Variants in BRF1 observed in about 807,000 individuals in gnomAD.
BRF1 encodes the protein BRF1 general transcription factor IIIB subunit.
In BRF1, 59 loss-of-function variants were observed where a neutral mutation model predicts 81.7. The observed-to-expected ratio is 0.72, with a 90% CI of 0.59 to 0.90. The LOEUF is 0.90. Among genes scored for constraint, BRF1 ranks in the 40% least tolerant of loss-of-function variants. The probability of loss-of-function intolerance (pLI) is 0.00; values close to 1 mark genes in which losing one functional copy is unlikely to be tolerated. For synonymous variants in BRF1, 491 were observed against 395.6 expected (o/e 1.24, Z -2.86); for missense variants, 1,050 against 936.3 (o/e 1.12, Z -1.58).
intron 4 of BRF1, among the ~76,000 whole-genome samples, chr14:105,253,301 G>C (rs750830862): frequency 6.6e-6 from 1 of 152,196 alleles, no homozygotes. Flanking sequence ...ATGTCTGCTG[G>C]CAGGTGTGGA....
At chr14:105,219,125 TGTGA>T in intron 13 of BRF1, 22 bp downstream of exon 13, 3 of 1,613,114 alleles carry the variant, frequency 1.9e-6, no homozygotes, top group Non-Finnish European at 2.5e-6. Context: ...GCGTCCTGCG[TGTGA>T]GTGTGGGCGG....
At chr14:105,218,840 T>A (rs1891766413) in intron 14 of BRF1, among the ~76,000 whole-genome samples, 158 bp downstream of exon 14, 1 of 152,126 alleles carries the variant, frequency 6.6e-6, no homozygotes, top group African/African-American at 2.4e-5. Context: ...ACCTAGTGGT[T>A]AAGGACGTGG....
intron 15 of BRF1, chr14:105,217,070 C>A (rs1566799639): frequency 1.0e-5 from 2 of 198,274 alleles, no homozygotes; most frequent in Middle Eastern, 2.0e-3. Context: ...TGCGCTGAGG[C>A]CAGCACATCC....
upstream of BRF1, among the ~76,000 whole-genome samples, chr14:105,303,646 T>G (rs1475532939): frequency 6.6e-6 from 1 of 152,254 alleles, no homozygotes; most frequent in East Asian, 1.9e-4. Flanking sequence ...AATTACCACT[T>G]TAGCTGAATC....
At chr14:105,228,726 G>A in intron 7 of BRF1, 94 bp downstream of exon 7, 5 of 1,406,974 alleles carry the variant, frequency 3.6e-6, no homozygotes, top group Non-Finnish European at 5.0e-6. Flanking sequence ...GGACGGCAGG[G>A]TCCCGGGAGG....
chr14:105,248,424 AGC>A, intron 5 of BRF1: 1 of 985,322 alleles, frequency 1.0e-6, no homozygotes, highest in South Asian at 4.7e-5. Context: ...ACCTCTGCAC[AGC>A]GCGCGGCTCG....
chr14:105,226,909 G>T, intron 7 of BRF1, 149 bp from the exon 8 acceptor site: 2 of 1,098,106 alleles, frequency 1.8e-6, no homozygotes, highest in Non-Finnish European at 2.6e-6. Flanking sequence ...AAGACTTTGA[G>T]ACCAGCCTAG....
chr14:105,221,277 A>G (rs1200980627), intron 11 of BRF1, among the ~76,000 whole-genome samples: 1 of 152,172 alleles, frequency 6.6e-6, no homozygotes, highest in Non-Finnish European at 1.5e-5. Context: ...TGCCACGCCC[A>G]AGCTCAGCAA....
intron 5 of BRF1, chr14:105,242,335 G>A (rs587763255): frequency 3.3e-4 from 50 of 152,228 alleles, no homozygotes; most frequent in African/African-American, 1.1e-3. Context: ...TGCTAAAATA[G>A]ATATTATTTG....
intron 16 of BRF1, chr14:105,211,866 C>T: frequency 1.7e-6 from 1 of 575,826 alleles, no homozygotes; most frequent in Non-Finnish European, 3.1e-6. Flanking sequence ...GGCTGCTCAG[C>T]CTTGGCCCGA....
chr14:105,278,931 C>T (rs1052172654), intron 2 of BRF1, among the ~76,000 whole-genome samples: 4 of 152,162 alleles, frequency 2.6e-5, no homozygotes, highest in Non-Finnish European at 4.4e-5. Context: ...GTAATCCCAG[C>T]TACTCGGGAG....
At chr14:105,258,324 TA>T (rs1367613474) in intron 3 of BRF1, among the ~76,000 whole-genome samples, 3 of 150,888 alleles carry the variant, frequency 2.0e-5, no homozygotes. Flanking sequence ...CCGTCTCTAC[TA>T]AAAATACAAA....
At chr14:105,219,358 T>C in intron 12 of BRF1, 126 bp from the exon 13 acceptor site, 2 of 1,516,664 alleles carry the variant, frequency 1.3e-6, no homozygotes, top group Non-Finnish European at 1.8e-6. Context: ...AGCCTCTATT[T>C]AGTGCGGAGC....
chr14:105,285,692 C>T (rs987222260), intron 2 of BRF1, among the ~76,000 whole-genome samples: 7 of 152,024 alleles, frequency 4.6e-5, no homozygotes, highest in African/African-American at 1.2e-4. Context: ...CTTTCATGCT[C>T]CAAAGGATAC....
In BRF1 at chr14:105,271,825, C is replaced by G. The variant is rs114743249; in HGVS notation, c.439+896G>C. On this transcript the variant is annotated intron_variant, in intron 3 of 17. Coordinates refer to ENST00000547530, the MANE Select transcript of BRF1 (RefSeq NM_001519.4). The surrounding 1 kb of genome is among the most constrained non-coding windows in gnomAD (Gnocchi z 5.5). The stretch of plus-strand genomic sequence containing the variant: ...CCACGCAAGGCCAAGCTGCACACCG[C>G]TGAGGGTCGGCAGCCTCCCCGCCCA... 3.6e-3 allele frequency among the ~76,000 whole-genome samples: 552 copies of G among 152,164 alleles called. 2 individuals are homozygous for G. Among genetic ancestry groups the G allele is most frequent in the African/African-American group, 0.012 (517 of 41,536 alleles).
At chr14:105,229,110 G>A (rs1213102403) in intron 6 of BRF1, among the ~76,000 whole-genome samples, 197 bp from the exon 7 acceptor site, 1 of 152,206 alleles carries the variant, frequency 6.6e-6, no homozygotes, top group Non-Finnish European at 1.5e-5. Context: ...TGTGGGTGGC[G>A]GCTGCACCCA....
intron 15 of BRF1, 82 bp downstream of exon 15, chr14:105,217,462 G>A (rs1018121081): frequency 4.9e-5 from 76 of 1,555,932 alleles, no homozygotes; most frequent in African/African-American, 1.4e-4. Flanking sequence ...GCTGGCCCCC[G>A]GCAGCTCCAG....
intron 2 of BRF1, among the ~76,000 whole-genome samples, chr14:105,280,984 C>T (rs28620525): frequency 5.9e-3 from 484 of 81,862 alleles, no homozygotes; most frequent in South Asian, 7.8e-3. Flanking sequence ...GCCTGCGTGA[C>T]CCTGAGCCCG....
chr14:105,250,276 C>T (rs751141394), intron 5 of BRF1: 48 of 1,612,994 alleles, frequency 3.0e-5, no homozygotes, highest in East Asian at 1.1e-4. Context: ...GGCGGTACCG[C>T]GGGCGCTGCG....
Sources: allele counts gnomAD v4.1 joint callset (sites outside exome capture counted in the v4.1 genomes callset), GRCh38; gene constraint gnomAD v4.1.1; non-coding constraint Gnocchi (gnomAD v3.1); transcripts MANE v1.5; gene names NCBI Gene and HGNC (gene_info 2026-07-23, HGNC 2026-07-21).